EPB41: variants seen among roughly 807,000 people sequenced by gnomAD.
EPB41 encodes protein 4.1.
EPB41 carries 65 observed loss-of-function variants against 108.0 expected under a neutral mutation model. The observed-to-expected ratio is 0.60, with a 90% confidence interval of 0.49 to 0.74. The LOEUF is 0.74. EPB41 is among the 30% of genes least tolerant of loss of function. The pLI is 0.00. For missense variants in EPB41, 875 were observed against 1,037.0 expected (o/e 0.84, Z 2.15); for synonymous variants, 336 against 358.9 (o/e 0.94, Z 0.72).
At chr1:29,079,995 C>A (rs2151234472) in intron 16 of EPB41, among the ~76,000 whole-genome samples, 1 of 151,672 alleles carries the variant, frequency 6.6e-6, no homozygotes, top group South Asian at 2.1e-4. Flanking sequence ...AAACTCTTAT[C>A]TCAAAAAAAA....
At chr1:29,005,526 A>G (rs4128350) in intron 4 of EPB41, among the ~76,000 whole-genome samples, 18,692 of 152,082 alleles carry the variant, frequency 0.12, 1,587 homozygotes, top group African/African-American at 0.25. Context: ...TTCTTTGTTC[A>G]TTCATTCATA....
At chr1:28,980,525 C>T (rs534987825) in intron 1 of EPB41, among the ~76,000 whole-genome samples, 217 of 151,468 alleles carry the variant, frequency 1.4e-3, no homozygotes, top group Non-Finnish European at 2.1e-3. Context: ...GCCTGGGCAA[C>T]ATGGTGAAAC....
At chr1:29,015,896 C>A (rs2096571981) in intron 6 of EPB41, 129 bp downstream of exon 6, 2 of 660,378 alleles carry the variant, frequency 3.0e-6, no homozygotes, top group Admixed American at 2.9e-5. Context: ...TATTAAGTAG[C>A]CTAGGATTGA....
rs181923874 is a variant in EPB41 at position 29,101,504 on chromosome 1, A to G, written c.2313+3569A>G. On this transcript the variant is annotated intron_variant, in intron 17 of 20. Transcript: ENST00000343067. ...AGAGTGCAGATTTTGAGTTTGGTACATAATGAGAGTTTAATTAGCCAGGCG... is the reference window on the plus strand; with the variant it reads ...AGAGTGCAGATTTTGAGTTTGGTACGTAATGAGAGTTTAATTAGCCAGGCG... Among the ~76,000 whole-genome samples, 8 of 152,146 alleles carry G rather than the reference A, an allele frequency of 5.3e-5. No homozygotes were observed. In the East Asian group the frequency reaches 1.6e-3, roughly 30 times the overall value.
intron 4 of EPB41, among the ~76,000 whole-genome samples, chr1:29,005,428 C>G (rs969268282): frequency 1.3e-5 from 2 of 152,164 alleles, no homozygotes; most frequent in African/African-American, 4.8e-5. Context: ...AATGTCTGCT[C>G]CTATTCATTT....
chr1:29,099,027 G>A (rs543257033), intron 17 of EPB41, among the ~76,000 whole-genome samples: 7 of 150,180 alleles, frequency 4.7e-5, no homozygotes, highest in African/African-American at 1.7e-4. Flanking sequence ...GATTACTGGT[G>A]GCCGGGTGCA....
At chr1:28,965,989 C>A (rs2095347192) in intron 1 of EPB41, among the ~76,000 whole-genome samples, 1 of 151,970 alleles carries the variant, frequency 6.6e-6, no homozygotes. Context: ...TAGAAACCAG[C>A]CTGGCCAACA....
Position 29,118,035 on chromosome 1 carries a change from T to A in EPB41, c.*1223T>A, listed in dbSNP as rs1671277336. 1 of 152,250 alleles carries A rather than the reference T, an allele frequency of 6.6e-6. No individual in the cohort carries two copies. The allele number at this position is 152,250 out of a possible 1,614,324, so 9.4% of individuals were successfully genotyped here. Reference sequence around the variant, plus strand: ...TTGATTTTGTGGTGGGTTTGGGGCTTAGTTTTCCTTTTTTTCATTTTGATT... The same window carrying A: ...TTGATTTTGTGGTGGGTTTGGGGCTAAGTTTTCCTTTTTTTCATTTTGATT... On this transcript the variant is annotated 3_prime_UTR_variant, in exon 21 of 21. Transcript: ENST00000343067.
chr1:29,112,226 C>G (rs1253582338), intron 18 of EPB41, 142 bp from the exon 19 acceptor site: 1 of 683,044 alleles, frequency 1.5e-6, no homozygotes, highest in Non-Finnish European at 2.6e-6. Context: ...GTCTCAAACT[C>G]CTGGCCGCAA....
chr1:28,999,702 A>T (rs1015726577), intron 4 of EPB41, among the ~76,000 whole-genome samples: 1 of 152,158 alleles, frequency 6.6e-6, no homozygotes, highest in African/African-American at 2.4e-5. Flanking sequence ...TTGGGACAAA[A>T]ATTTTCAGTT....
At chr1:29,011,815 T>TAACA (rs1463826048) in intron 4 of EPB41, 50 bp from the exon 5 acceptor site, 1 of 1,604,646 alleles carries the variant, frequency 6.2e-7, no homozygotes, top group Non-Finnish European at 8.5e-7. Flanking sequence ...AGTACTCTGT[T>TAACA]GTTTATGTGT....
At chr1:29,082,388 T>TGCTGGGATTACAGGCGTGAGCC (rs1657072445) in intron 16 of EPB41, among the ~76,000 whole-genome samples, 1 of 152,224 alleles carries the variant, frequency 6.6e-6, no homozygotes, top group Non-Finnish European at 1.5e-5. Flanking sequence ...CCTCCCAAAG[T>TGCTGGGATTACAGGCGTGAGCC]GCTGGGATTA....
chr1:28,896,866 G>C (rs1394166320), intron 1 of EPB41, among the ~76,000 whole-genome samples: 2 of 152,186 alleles, frequency 1.3e-5, no homozygotes, highest in African/African-American at 4.8e-5. Flanking sequence ...CCAGCAGGGC[G>C]TGATAATGAA....
intron 1 of EPB41, chr1:28,982,260 A>G (rs887204412): frequency 2.9e-5 from 14 of 481,080 alleles, no homozygotes; most frequent in African/African-American, 2.6e-4. Context: ...TTAATTTTTA[A>G]TGACCAAAAC....
intron 1 of EPB41, among the ~76,000 whole-genome samples, chr1:28,906,837 G>T (rs2091871729): frequency 1.3e-5 from 2 of 149,046 alleles, no homozygotes; most frequent in South Asian, 4.2e-4. Flanking sequence ...GTGCAGTAGT[G>T]CGATCTCAGC....
At chr1:29,076,545 C>G (rs1245731039) in intron 16 of EPB41, among the ~76,000 whole-genome samples, 1 of 152,172 alleles carries the variant, frequency 6.6e-6, no homozygotes, top group Non-Finnish European at 1.5e-5. Context: ...CTGTGACAGT[C>G]TGAGTAACCT....
chr1:29,074,534 G>A (rs1198195991), intron 16 of EPB41, among the ~76,000 whole-genome samples: 2 of 152,076 alleles, frequency 1.3e-5, no homozygotes. Flanking sequence ...TCCTTTTACT[G>A]TAGCAGAATA....
intron 14 of EPB41, among the ~76,000 whole-genome samples, chr1:29,059,511 C>G (rs1646138430): frequency 6.6e-6 from 1 of 152,000 alleles, no homozygotes. Flanking sequence ...TGTGATGGCT[C>G]ACACCTGTAA....
intron 16 of EPB41, chr1:29,068,842 A>G: frequency 8.4e-7 from 1 of 1,184,302 alleles, no homozygotes; most frequent in Non-Finnish European, 1.1e-6. Context: ...TCATGGCACT[A>G]AGCAGATAAT....
Sources: allele counts gnomAD v4.1 joint callset (sites outside exome capture counted in the v4.1 genomes callset), GRCh38; gene constraint gnomAD v4.1.1; transcripts MANE v1.5; gene names NCBI Gene and HGNC (gene_info 2026-07-23, HGNC 2026-07-21).